NT5DC1: variants seen among roughly 807,000 people sequenced by gnomAD.
The protein encoded by NT5DC1 is 5'-nucleotidase domain containing 1.
A neutral mutation model predicts 59.4 loss-of-function variants in NT5DC1; 42 were observed. The ratio of observed to expected loss-of-function variants is 0.71; its 90% CI spans 0.55 to 0.92. The LOEUF (loss-of-function observed/expected upper bound fraction) is 0.92. Among genes scored for constraint, NT5DC1 ranks in the 40% least tolerant of loss-of-function variants. NT5DC1 has a pLI of 0.00. For missense variants in NT5DC1, 501 were observed against 537.1 expected (o/e 0.93, Z 0.66); for synonymous variants, 172 against 188.1 (o/e 0.91, Z 0.70).
At chr6:116,210,456 C>T (rs529947514) in intron 6 of NT5DC1, among the ~76,000 whole-genome samples, 4 of 151,952 alleles carry the variant, frequency 2.6e-5, no homozygotes, top group South Asian at 2.1e-4. Context: ...GCACAAGCTC[C>T]GAAAGCAGAC....
chr6:116,152,872 C>G (rs746755019), intron 6 of NT5DC1, among the ~76,000 whole-genome samples: 1 of 151,976 alleles, frequency 6.6e-6, no homozygotes, highest in Non-Finnish European at 1.5e-5. Context: ...CCTCTGAGTT[C>G]TTGATTGTGC....
At chr6:116,241,767 C>T (rs1199404580) in intron 11 of NT5DC1, among the ~76,000 whole-genome samples, 1 of 150,504 alleles carries the variant, frequency 6.6e-6, no homozygotes, top group African/African-American at 2.4e-5. Context: ...ACCAAAAATA[C>T]AAAAAATTAG....
intron 6 of NT5DC1, among the ~76,000 whole-genome samples, chr6:116,213,490 C>T (rs1781625283): frequency 6.6e-6 from 1 of 152,214 alleles, no homozygotes; most frequent in African/African-American, 2.4e-5. Context: ...GTCATTCGCA[C>T]TGCATTCTAT....
rs1466365419 is a variant in NT5DC1, at chr6:116,244,900, T to C, written c.*876T>C. The C allele has an allele frequency of 1.3e-5, 2 of 152,192 alleles. No homozygotes were observed. The highest frequency in any genetic ancestry group is 6.5e-5 in the Admixed American group (1 of 15,284). The allele number at this position is 152,192 out of a possible 1,614,324, so 9.4% of individuals were successfully genotyped here. ...TCAACTTTAAGCATTACATTCTCAA[T>C]TGGGGACAAAAATTGGTTCTTGGGG... is the stretch of plus-strand genomic sequence containing the variant. On this transcript the variant is annotated 3_prime_UTR_variant, in exon 12 of 12. Coordinates refer to ENST00000319550, the MANE Select transcript of NT5DC1 (RefSeq NM_152729.3).
intron 6 of NT5DC1, among the ~76,000 whole-genome samples, chr6:116,159,194 A>T (rs1388006698): frequency 6.6e-6 from 1 of 152,120 alleles, no homozygotes; most frequent in Non-Finnish European, 1.5e-5. Context: ...ATATACAATT[A>T]TGTGACTTTT....
At chr6:116,179,246 A>T (rs1437212079) in intron 6 of NT5DC1, among the ~76,000 whole-genome samples, 1 of 152,176 alleles carries the variant, frequency 6.6e-6, no homozygotes, top group African/African-American at 2.4e-5. Flanking sequence ...TAATGTGAAA[A>T]TACTCCTTAT....
intron 6 of NT5DC1, chr6:116,125,802 A>G (rs776187711): frequency 2.5e-4 from 62 of 246,618 alleles, no homozygotes; most frequent in Non-Finnish European, 3.6e-4. Flanking sequence ...GATCTTTGAC[A>G]TAGCCTGAAA....
intron 6 of NT5DC1, among the ~76,000 whole-genome samples, chr6:116,141,717 G>T (rs1317428474): frequency 6.7e-6 from 1 of 150,238 alleles, no homozygotes; most frequent in African/African-American, 2.4e-5. Context: ...AAGTTACTTT[G>T]CTTCTTATGT....
At chr6:116,222,786 G>A (rs1352625074) in intron 7 of NT5DC1, among the ~76,000 whole-genome samples, 6 of 152,110 alleles carry the variant, frequency 3.9e-5, no homozygotes, top group Non-Finnish European at 8.8e-5. Context: ...GAGTCTATGT[G>A]CTACTCTCTT....
chr6:116,119,761 TTTTTTTGTTGTTTG>T (rs1324849556), intron 6 of NT5DC1: 34 of 246,106 alleles, frequency 1.4e-4, no homozygotes, highest in Middle Eastern at 1.4e-3. Flanking sequence ...TTTTTAATTT[TTTTTTTGTTGTTTG>T]TTTTTTGTTG....
At chr6:116,219,688 G>A (rs1781755346) in intron 6 of NT5DC1, among the ~76,000 whole-genome samples, 3 of 152,014 alleles carry the variant, frequency 2.0e-5, no homozygotes, top group Admixed American at 1.3e-4. Flanking sequence ...CAGGCATGGT[G>A]GCTCATGCCT....
intron 1 of NT5DC1, among the ~76,000 whole-genome samples, chr6:116,104,811 A>C (rs548703461): frequency 6.6e-6 from 1 of 152,306 alleles, no homozygotes; most frequent in African/African-American, 2.4e-5. Flanking sequence ...ACTTTGTACC[A>C]CAGGGTGACT....
intron 6 of NT5DC1, chr6:116,119,339 G>A (rs1250776408): frequency 6.6e-6 from 1 of 152,392 alleles, no homozygotes; most frequent in Non-Finnish European, 1.5e-5. Flanking sequence ...GAATAGGTCA[G>A]ATACCTGTTT....
intron 1 of NT5DC1, 80 bp downstream of exon 1, chr6:116,101,103 ACGGCGGACGCTGCCCGGGGCCTG>A: frequency 6.7e-6 from 7 of 1,045,658 alleles, no homozygotes; most frequent in East Asian, 2.9e-5. Flanking sequence ...GGTTTGGGCA[ACGGCGGACGCTGCCCGGGGCCTG>A]CGGCGGCCGA....
At chr6:116,103,955 C>T (rs1025082905) in intron 1 of NT5DC1, among the ~76,000 whole-genome samples, 1 of 152,072 alleles carries the variant, frequency 6.6e-6, no homozygotes, top group African/African-American at 2.4e-5. Context: ...TAAATTTTAT[C>T]TGGCAACCTT....
At chr6:116,124,192 T>C (rs890839106) in intron 6 of NT5DC1, among the ~76,000 whole-genome samples, 1 of 152,172 alleles carries the variant, frequency 6.6e-6, no homozygotes, top group Non-Finnish European at 1.5e-5. Flanking sequence ...AAGACAATTC[T>C]ATAAGTTTCA....
chr6:116,198,188 G>A (rs955562481), intron 6 of NT5DC1, among the ~76,000 whole-genome samples: 2 of 152,072 alleles, frequency 1.3e-5, no homozygotes, highest in Non-Finnish European at 2.9e-5. Flanking sequence ...AGGTCACTGA[G>A]TAGTGAACAA....
At chr6:116,145,495 AAG>A (rs1159518802) in intron 6 of NT5DC1, 1 of 368,408 alleles carries the variant, frequency 2.7e-6, no homozygotes, top group South Asian at 2.2e-5. Context: ...ATACTTATTT[AAG>A]AGATTAAAGT....
chr6:116,119,059 G>A (rs1165682613), intron 6 of NT5DC1: 2 of 152,644 alleles, frequency 1.3e-5, no homozygotes, highest in African/African-American at 4.8e-5. Flanking sequence ...TCGTAAATAA[G>A]GAGTAGGTAA....
Sources: gnomAD v4.1 joint callset for allele counts (sites outside exome capture counted in the v4.1 genomes callset) on GRCh38, gnomAD v4.1.1 for gene constraint, MANE v1.5 for transcripts, NCBI Gene and HGNC (gene_info 2026-07-23, HGNC 2026-07-21) for gene names.